Variants in GABRG3 observed in about 807,000 individuals in gnomAD.
GABRG3 encodes the protein gamma-aminobutyric acid type A receptor subunit gamma3.
In GABRG3, 25 loss-of-function variants were observed where a neutral mutation model predicts 48.8. That is an observed-to-expected ratio of 0.51 (90% CI 0.37 to 0.72). The LOEUF (loss-of-function observed/expected upper bound fraction) is 0.72, where lower values mean the gene tolerates loss of function less well. Among genes scored for constraint, GABRG3 ranks in the 30% least tolerant of loss-of-function variants. GABRG3 has a pLI of 0.00. For missense variants in GABRG3, 394 were observed against 577.9 expected (o/e 0.68, Z 3.26); for synonymous variants, 227 against 217.6 (o/e 1.04, Z -0.38).
intron 5 of GABRG3, among the ~76,000 whole-genome samples, chr15:27,344,714 A>ATT (rs374533992): frequency 1.6e-4 from 24 of 152,038 alleles, no homozygotes; most frequent in Admixed American, 3.3e-4. Context: ...TTGATAAACC[A>ATT]TTTTTTTAAT....
chr15:27,277,123 T>C (rs1357857688), intron 3 of GABRG3, among the ~76,000 whole-genome samples: 1 of 152,214 alleles, frequency 6.6e-6, no homozygotes, highest in Admixed American at 6.5e-5. Context: ...GGAGAGAATC[T>C]GCTGGGAAGG....
At chr15:27,322,778 ATG>A (rs1893476789) in intron 3 of GABRG3, among the ~76,000 whole-genome samples, 1 of 152,036 alleles carries the variant, frequency 6.6e-6, no homozygotes, top group Admixed American at 6.6e-5. Context: ...TCTGCTGCTG[ATG>A]CCCCTCTCAG....
intron 5 of GABRG3, among the ~76,000 whole-genome samples, chr15:27,358,207 T>G (rs1417215734): frequency 6.6e-6 from 1 of 152,188 alleles, no homozygotes; most frequent in Non-Finnish European, 1.5e-5. Context: ...CTCCATTCAT[T>G]TTCAAGAAAA....
chr15:27,067,719 C>T (rs931637994), intron 3 of GABRG3, among the ~76,000 whole-genome samples: 3 of 152,198 alleles, frequency 2.0e-5, no homozygotes, highest in African/African-American at 7.2e-5. Context: ...AACTTTAGGT[C>T]TGTTCAGGCG....
At chr15:27,109,846 C>G (rs144033808) in intron 3 of GABRG3, among the ~76,000 whole-genome samples, 2,563 of 152,226 alleles carry the variant, frequency 0.017, 36 homozygotes, top group South Asian at 0.029. Context: ...CGCGCCACTG[C>G]ACTCTAGCCT....
rs1480031517 is a variant in GABRG3 at position 27,499,469 on chromosome 15, C to G, written c.712+18682C>G. Among the ~76,000 whole-genome samples the G allele has an allele frequency of 2.0e-5, 3 of 152,220 alleles. No homozygotes were observed. In the East Asian group the frequency reaches 5.8e-4, roughly 29 times the overall value. On this transcript the variant is annotated intron_variant, in intron 6 of 9. Transcript: ENST00000615808. Reference sequence around the variant, plus strand: ...AATTTAAAAAAAGTCCAGCCCCAGTCTGAGGATTAGGCTTGCATTTGTTTT... The same window carrying G: ...AATTTAAAAAAAGTCCAGCCCCAGTGTGAGGATTAGGCTTGCATTTGTTTT...
chr15:27,151,919 T>C (rs1898323423), intron 3 of GABRG3, among the ~76,000 whole-genome samples: 1 of 152,174 alleles, frequency 6.6e-6, no homozygotes, highest in South Asian at 2.1e-4. Context: ...TTGTTGGATA[T>C]GTGGTTTGCA....
At chr15:27,122,834 C>T (rs1337935696) in intron 3 of GABRG3, among the ~76,000 whole-genome samples, 3 of 152,230 alleles carry the variant, frequency 2.0e-5, no homozygotes, top group Admixed American at 1.3e-4. Context: ...AGACCCCCTT[C>T]ACCCAGAGAG....
In GABRG3 at chr15:27,009,926, CTTCTTCTTTCTTCA is replaced by C. The variant is rs575640204; in HGVS notation, c.203-16814_203-16801del. The stretch of plus-strand genomic sequence containing the variant: ...CTTCCTCCTTCTGCTTCTGCTGCTT[CTTCTTCTTTCTTCA>C]TTCTTCTTTCTTCTTCTTTTTTTTG... On this transcript the variant is annotated intron_variant, in intron 2 of 9. Coordinates refer to ENST00000615808, the MANE Select transcript of GABRG3 (RefSeq NM_033223.5). Among the ~76,000 whole-genome samples, 389 of 152,090 alleles carry C rather than the reference CTTCTTCTTTCTTCA, an allele frequency of 2.6e-3. 5 individuals carry two copies. The highest frequency in any genetic ancestry group is 8.8e-3 in the African/African-American group (365 of 41,518).
At chr15:27,134,623 C>CTA (rs1401203241) in intron 3 of GABRG3, among the ~76,000 whole-genome samples, 1 of 152,130 alleles carries the variant, frequency 6.6e-6, no homozygotes, top group Non-Finnish European at 1.5e-5. Context: ...CCCTCCTCTC[C>CTA]TAGTGTTCAC....
At chr15:27,443,622 A>G (rs1203028260) in intron 5 of GABRG3, among the ~76,000 whole-genome samples, 1 of 152,150 alleles carries the variant, frequency 6.6e-6, no homozygotes, top group Non-Finnish European at 1.5e-5. Flanking sequence ...CTTTTCCAAA[A>G]CACCTGCATT....
chr15:27,267,796 CT>C (rs1395530625), intron 3 of GABRG3, among the ~76,000 whole-genome samples: 2 of 151,948 alleles, frequency 1.3e-5, no homozygotes, highest in African/African-American at 4.8e-5. Context: ...ATATGCTTTC[CT>C]TTTTTAGTTT....
chr15:27,199,687 G>A (rs1246284672), intron 3 of GABRG3, among the ~76,000 whole-genome samples: 1 of 152,100 alleles, frequency 6.6e-6, no homozygotes, highest in African/African-American at 2.4e-5. Flanking sequence ...ATGAGTAAAA[G>A]TTTCCCAAGG....
intron 3 of GABRG3, among the ~76,000 whole-genome samples, chr15:27,092,672 A>G (rs547616097): frequency 1.3e-4 from 20 of 152,350 alleles, no homozygotes; most frequent in African/African-American, 4.6e-4. Flanking sequence ...CCATTGAAAA[A>G]TAGATGTGCT....
intron 3 of GABRG3, among the ~76,000 whole-genome samples, chr15:27,144,136 A>G (rs1260029984): frequency 3.3e-5 from 5 of 152,220 alleles, no homozygotes; most frequent in Non-Finnish European, 1.5e-5. Context: ...CATCCTTTCA[A>G]AAATATGCAA....
chr15:27,075,163 C>T (rs895777427), intron 3 of GABRG3, among the ~76,000 whole-genome samples: 1 of 152,086 alleles, frequency 6.6e-6, no homozygotes, highest in African/African-American at 2.4e-5. Context: ...ATATAACTGA[C>T]TATTAATAAT....
intron 3 of GABRG3, among the ~76,000 whole-genome samples, chr15:27,102,348 G>A (rs919838398): frequency 1.3e-5 from 2 of 152,188 alleles, no homozygotes; most frequent in South Asian, 4.1e-4. Flanking sequence ...GAATTTCCAC[G>A]AGGGAGCTAG....
intron 3 of GABRG3, among the ~76,000 whole-genome samples, chr15:27,169,070 T>C (rs974122685): frequency 3.9e-5 from 6 of 152,070 alleles, no homozygotes; most frequent in African/African-American, 1.4e-4. Flanking sequence ...GGGAGTGCAA[T>C]GGTGAGCAAA....
Position 27,498,978 on chromosome 15 carries a change from C to A in GABRG3, c.712+18191C>A, listed in dbSNP as rs568497202. On this transcript the variant is annotated intron_variant, in intron 6 of 9. Transcript: ENST00000615808. ...CATCACCTTTTCTGTGATGTGGCTG[C>A]GCTTAGTCCAGCCTTTGGCTGTAAT... is the stretch of plus-strand genomic sequence containing the variant. Among the ~76,000 whole-genome samples, 6 of 152,272 alleles carry A rather than the reference C, an allele frequency of 3.9e-5. No homozygotes were observed. In the South Asian group the frequency reaches 1.2e-3, roughly 32 times the overall value.
Sources: gnomAD v4.1 joint callset for allele counts (sites outside exome capture counted in the v4.1 genomes callset) on GRCh38, gnomAD v4.1.1 for gene constraint, MANE v1.5 for transcripts, NCBI Gene and HGNC (gene_info 2026-07-23, HGNC 2026-07-21) for gene names.